B4GALT6: variants seen among roughly 807,000 people sequenced by gnomAD.
B4GALT6 encodes the protein UDP-Gal:beta-GlcNAc beta-1,4-galactosyltransferase 6.
B4GALT6 carries 14 observed loss-of-function variants against 46.3 expected under a neutral mutation model. That is an observed-to-expected ratio of 0.30 (90% CI 0.20 to 0.47). The LOEUF (loss-of-function observed/expected upper bound fraction) is 0.47. B4GALT6 is among the 20% of genes least tolerant of loss of function. The pLI is 0.99. For missense variants in B4GALT6, 386 were observed against 480.1 expected, an observed-to-expected ratio of 0.80 and a Z score of 1.83; for synonymous variants, 168 against 162.0, an observed-to-expected ratio of 1.04 and a Z score of -0.28.
chr18:31,684,748 T>G (rs2074525384), upstream of B4GALT6: 2 of 1,085,498 alleles, frequency 1.8e-6, no homozygotes, highest in African/African-American at 1.6e-5. Flanking sequence ...GAGCGTTTTC[T>G]CCGCCAAGCA....
chr18:31,640,241 A>C (rs984830096), intron 4 of B4GALT6, among the ~76,000 whole-genome samples: 11 of 152,280 alleles, frequency 7.2e-5, no homozygotes, highest in African/African-American at 2.4e-4. Context: ...ACCTATACCA[A>C]ATAAAGTTTA....
chr18:31,650,591 C>T (rs987605100), intron 3 of B4GALT6, among the ~76,000 whole-genome samples: 5 of 152,236 alleles, frequency 3.3e-5, no homozygotes, highest in African/African-American at 1.2e-4. Flanking sequence ...CTTGTTCTGG[C>T]TGCTCAATTT....
At position 31,623,681 on chromosome 18, in the gene B4GALT6, A is replaced by G. The variant is rs2073647836; in HGVS notation, c.*1933T>C. The G allele has an allele frequency of 6.6e-6, 1 of 152,288 alleles. No homozygotes were observed. The highest frequency in any genetic ancestry group is 1.5e-5 in the Non-Finnish European group (1 of 67,866). The allele number at this position is 152,288 out of a possible 1,614,324, so 9.4% of individuals were successfully genotyped here. On this transcript the variant is annotated 3_prime_UTR_variant, in exon 9 of 9. Coordinates refer to ENST00000306851, the MANE Select transcript of B4GALT6 (RefSeq NM_004775.5). ...GAGTACCATAAAAAAACTGAAATAT[A>G]AATATTTTGGAAATAGTTCTAAGAA...
rs568609493 is a variant in B4GALT6, at chr18:31,628,339, G to A, written c.777-1218C>T. On this transcript the variant is annotated intron_variant, in intron 6 of 8. Transcript: ENST00000306851. ...GCACCGTGTACTTCCCACATCAGAT[G>A]GATTATTCTTGCCCAGGCTAGTAGT... Among the ~76,000 whole-genome samples, 10 of 152,236 alleles carry A rather than the reference G, an allele frequency of 6.6e-5. No individual in the cohort carries two copies. The South Asian group carries it at 1.2e-3, about 19-fold the overall frequency.
At chr18:31,648,435 GA>G (rs2074019286) in intron 3 of B4GALT6, among the ~76,000 whole-genome samples, 1 of 152,170 alleles carries the variant, frequency 6.6e-6, no homozygotes, top group Admixed American at 6.5e-5. Context: ...CTGAAGAGTG[GA>G]GGGGCTGCCA....
At chr18:31,720,438 G>A in the B4GALT6 span, among the ~76,000 whole-genome samples, 1 of 152,198 alleles carries the variant, frequency 6.6e-6, no homozygotes, top group Non-Finnish European at 1.5e-5. Flanking sequence ...GCAAATGGCA[G>A]GACTTCAGCT....
Position 31,624,425 on chromosome 18 carries a change from C to A in B4GALT6, c.*1189G>T, listed in dbSNP as rs528085306. On this transcript the variant is annotated 3_prime_UTR_variant, in exon 9 of 9. Coordinates refer to ENST00000306851, the MANE Select transcript of B4GALT6 (RefSeq NM_004775.5). Reference sequence around the variant, plus strand: ...TATAATCTCTTAAAAGTGAAAAAAACAAAATATAGTTTGAATGAAACTAAC... The same window carrying A: ...TATAATCTCTTAAAAGTGAAAAAAAAAAAATATAGTTTGAATGAAACTAAC... The A allele has an allele frequency of 7.0e-4, 106 of 151,718 alleles. 1 individual carries two copies. The highest frequency in any genetic ancestry group is 2.4e-3 in the African/African-American group (101 of 41,428). 9.4% of individuals were successfully genotyped at this position (151,718 alleles called of 1,614,324 possible). A position where few individuals can be genotyped will look rare whatever the true frequency, so the allele number is the denominator to read the frequency against.
the B4GALT6 span, among the ~76,000 whole-genome samples, chr18:31,720,956 TCAAA>T: frequency 1.3e-5 from 2 of 152,180 alleles, no homozygotes; most frequent in Non-Finnish European, 2.9e-5. Flanking sequence ...TCATTTGTTT[TCAAA>T]CAGAGAATGT....
At chr18:31,629,027 T>A (rs1268938128) in intron 6 of B4GALT6, among the ~76,000 whole-genome samples, 4 of 152,234 alleles carry the variant, frequency 2.6e-5, no homozygotes, top group African/African-American at 9.6e-5. Flanking sequence ...ACGATGAGGA[T>A]GAAGACCTTC....
chr18:31,637,088 G>A (rs2073868731), intron 5 of B4GALT6, among the ~76,000 whole-genome samples: 1 of 152,114 alleles, frequency 6.6e-6, no homozygotes, highest in Admixed American at 6.5e-5. Flanking sequence ...CAAAGTGCTG[G>A]GATTACAGGT....
chr18:31,667,884 C>G (rs2074300224), intron 1 of B4GALT6, among the ~76,000 whole-genome samples: 1 of 152,044 alleles, frequency 6.6e-6, no homozygotes. Flanking sequence ...ATCATGAGGT[C>G]AACAGATCGA....
chr18:31,683,580 C>T (rs977492602), intron 1 of B4GALT6, among the ~76,000 whole-genome samples: 1 of 152,134 alleles, frequency 6.6e-6, no homozygotes, highest in Non-Finnish European at 1.5e-5. Flanking sequence ...AGCAGTTTTA[C>T]AAAAGTGTAT....
At chr18:31,678,334 CCT>C (rs763624096) in intron 1 of B4GALT6, among the ~76,000 whole-genome samples, 1 of 150,678 alleles carries the variant, frequency 6.6e-6, no homozygotes, top group Non-Finnish European at 1.5e-5. Flanking sequence ...CTTTTTTTTT[CCT>C]CTCTCTCTCT....
intron 4 of B4GALT6, among the ~76,000 whole-genome samples, chr18:31,642,233 A>G (rs2073939083): frequency 6.6e-6 from 1 of 152,194 alleles, no homozygotes; most frequent in African/African-American, 2.4e-5. Flanking sequence ...GCTGGAGTAC[A>G]GTGGTGTGAT....
At chr18:31,644,554 C>G (rs1000779192) in intron 4 of B4GALT6, among the ~76,000 whole-genome samples, 4 of 152,122 alleles carry the variant, frequency 2.6e-5, no homozygotes, top group Admixed American at 2.6e-4. Flanking sequence ...GGAAATAACA[C>G]TTGATTTATC....
At chr18:31,716,829 G>T in the B4GALT6 span, among the ~76,000 whole-genome samples, 2 of 152,194 alleles carry the variant, frequency 1.3e-5, no homozygotes, top group African/African-American at 4.8e-5. Flanking sequence ...TAGGCCGGGT[G>T]CCACTCACGC....
intron 1 of B4GALT6, among the ~76,000 whole-genome samples, chr18:31,670,670 T>C (rs186759584): frequency 1.0e-3 from 152 of 152,342 alleles, no homozygotes; most frequent in African/African-American, 3.5e-3. Flanking sequence ...AGCATGAGAA[T>C]GGTTCCAATT....
the B4GALT6 span, among the ~76,000 whole-genome samples, chr18:31,710,790 A>G: frequency 7.3e-6 from 1 of 136,096 alleles, no homozygotes; most frequent in African/African-American, 2.6e-5. Flanking sequence ...CAAAAATACT[A>G]ATCTACTCAG....
intron 3 of B4GALT6, among the ~76,000 whole-genome samples, chr18:31,654,971 A>G (rs2074119988): frequency 1.3e-5 from 2 of 152,228 alleles, no homozygotes; most frequent in Non-Finnish European, 2.9e-5. Context: ...TTCCTTGACC[A>G]TTGTAAAGTC....
Sources: gnomAD v4.1 joint callset for allele counts (sites outside exome capture counted in the v4.1 genomes callset) on GRCh38, gnomAD v4.1.1 for gene constraint, MANE v1.5 for transcripts, NCBI Gene and HGNC (gene_info 2026-07-23, HGNC 2026-07-21) for gene names.